Variants in TBC1D4 observed in about 807,000 individuals in gnomAD.
TBC1D4 encodes the protein TBC (Tre-2, BUB2, CDC16) domain-containing protein.
A neutral mutation model predicts 142.5 loss-of-function variants in TBC1D4; 121 were observed. The ratio of observed to expected loss-of-function variants is 0.85; its 90% CI spans 0.73 to 0.99. The LOEUF (loss-of-function observed/expected upper bound fraction) is 0.99, where lower values mean the gene tolerates loss of function less well. Among genes scored for constraint, TBC1D4 ranks in the 50% least tolerant of loss-of-function variants. The pLI is 0.00. For synonymous variants in TBC1D4, 630 were observed against 628.2 expected, an observed-to-expected ratio of 1.00 and a Z score of -0.04; for missense variants, 1,475 against 1,606.6, an observed-to-expected ratio of 0.92 and a Z score of 1.40.
intron 1 of TBC1D4, among the ~76,000 whole-genome samples, chr13:75,402,719 G>A (rs925789167): frequency 1.4e-5 from 2 of 146,562 alleles, no homozygotes; most frequent in African/African-American, 2.5e-5. Context: ...TATCTGTGAT[G>A]AAAAGATTTC....
At chr13:75,296,785 A>G (rs1253413423) in intron 17 of TBC1D4, among the ~76,000 whole-genome samples, 4 of 152,208 alleles carry the variant, frequency 2.6e-5, no homozygotes, top group African/African-American at 9.6e-5. Context: ...CACAGAAAGC[A>G]GCAGAAACAA....
At chr13:75,445,282 A>G (rs1440626405) in intron 1 of TBC1D4, among the ~76,000 whole-genome samples, 1 of 152,238 alleles carries the variant, frequency 6.6e-6, no homozygotes, top group Non-Finnish European at 1.5e-5. Flanking sequence ...AGAACAGTGC[A>G]TGGAACTATT....
chr13:75,359,743 A>G (rs1882345218), intron 3 of TBC1D4, 26 bp downstream of exon 3: 1 of 1,537,222 alleles, frequency 6.5e-7, no homozygotes, highest in Admixed American at 1.7e-5. Flanking sequence ...GTCTCTTCAC[A>G]TACTATGATA....
intron 1 of TBC1D4, among the ~76,000 whole-genome samples, chr13:75,385,527 G>A (rs1369579763): frequency 6.6e-6 from 1 of 152,158 alleles, no homozygotes; most frequent in Non-Finnish European, 1.5e-5. Context: ...AAAAAGAGAC[G>A]CTGATAACAG....
intron 8 of TBC1D4, among the ~76,000 whole-genome samples, chr13:75,334,036 T>G (rs993379401): frequency 6.6e-6 from 1 of 152,212 alleles, no homozygotes. Context: ...CACTTGGTGG[T>G]GCCTGCCAGC....
chr13:75,363,201 G>A (rs1593794193), intron 1 of TBC1D4, among the ~76,000 whole-genome samples: 1 of 152,162 alleles, frequency 6.6e-6, no homozygotes, highest in East Asian at 1.9e-4. Context: ...TGGTTTGGCA[G>A]TTTCTTAGGA....
intron 7 of TBC1D4, among the ~76,000 whole-genome samples, chr13:75,339,541 T>C (rs754474650): frequency 6.6e-6 from 1 of 151,680 alleles, no homozygotes; most frequent in African/African-American, 2.4e-5. Flanking sequence ...AGTGCCTGCA[T>C]GGAGTAAGTT....
At chr13:75,429,075 G>A (rs1394391629) in intron 1 of TBC1D4, among the ~76,000 whole-genome samples, 1 of 152,130 alleles carries the variant, frequency 6.6e-6, no homozygotes, top group Non-Finnish European at 1.5e-5. Flanking sequence ...CGCAAGTGGT[G>A]GCAATCCTAG....
At chr13:75,386,571 A>G (rs968827007) in intron 1 of TBC1D4, among the ~76,000 whole-genome samples, 1 of 151,728 alleles carries the variant, frequency 6.6e-6, no homozygotes, top group East Asian at 1.9e-4. Flanking sequence ...TGTATTTTTA[A>G]TAGAGACAGG....
intron 1 of TBC1D4, among the ~76,000 whole-genome samples, chr13:75,460,522 G>C (rs767295839): frequency 1.1e-4 from 16 of 152,180 alleles, no homozygotes; most frequent in Non-Finnish European, 1.8e-4. Context: ...GAAGTTCAGA[G>C]AGCTGGAAAG....
chr13:75,376,202 C>T lies in TBC1D4; in HGVS notation c.499-13595G>A, dbSNP rs913111465. On this transcript the variant is annotated intron_variant, in intron 1 of 20. Coordinates refer to ENST00000377636, the MANE Select transcript of TBC1D4 (RefSeq NM_014832.5). Reference sequence around the variant, plus strand: ...AAAACTTTCTGAAATTGAAAAAAAACAAACAAAAAAACCAGAAATCTTATG... The same window carrying T: ...AAAACTTTCTGAAATTGAAAAAAAATAAACAAAAAAACCAGAAATCTTATG... The T allele has an allele frequency of 7.9e-5, 12 of 151,950 alleles. No individual in the cohort carries two copies. The East Asian group carries it at 2.3e-3, about 29-fold the overall frequency. The allele number at this position is 151,950 out of a possible 1,614,324, so 9.4% of individuals were successfully genotyped here. A position where few individuals can be genotyped will look rare whatever the true frequency, so the allele number is the denominator to read the frequency against.
At chr13:75,348,807 C>T (rs1881352777) in intron 5 of TBC1D4, among the ~76,000 whole-genome samples, 1 of 152,130 alleles carries the variant, frequency 6.6e-6, no homozygotes, top group South Asian at 2.1e-4. Context: ...ATGGTTTTGT[C>T]TCTCTTCATT....
chr13:75,426,345 A>C (rs761741986), intron 1 of TBC1D4, among the ~76,000 whole-genome samples: 1 of 152,258 alleles, frequency 6.6e-6, no homozygotes, highest in African/African-American at 2.4e-5. Flanking sequence ...TGTTTAAGTC[A>C]CAGATCAAGT....
intron 1 of TBC1D4, among the ~76,000 whole-genome samples, chr13:75,369,482 G>A (rs1040714496): frequency 2.0e-4 from 29 of 143,864 alleles, no homozygotes; most frequent in Non-Finnish European, 4.0e-4. Context: ...CTGGGTGACA[G>A]AGTGAGACCC....
chr13:75,358,683 C>CA (rs1882261037), intron 3 of TBC1D4, among the ~76,000 whole-genome samples: 1 of 151,616 alleles, frequency 6.6e-6, no homozygotes, highest in Admixed American at 6.6e-5. Context: ...CTCGTCTCTA[C>CA]AAAAAATTCA....
chr13:75,329,185 CT>C (rs1322738414), intron 8 of TBC1D4, among the ~76,000 whole-genome samples: 1 of 151,928 alleles, frequency 6.6e-6, no homozygotes, highest in Non-Finnish European at 1.5e-5. Flanking sequence ...TAAATCAGTA[CT>C]TTGTGCTTAG....
intron 12 of TBC1D4, among the ~76,000 whole-genome samples, chr13:75,315,437 T>TACAC (rs1878238990): frequency 6.7e-6 from 1 of 150,126 alleles, no homozygotes; most frequent in African/African-American, 2.4e-5. Flanking sequence ...TATATATATA[T>TACAC]ATATTTGCTT....
At chr13:75,334,745 G>A (rs544660) in intron 8 of TBC1D4, among the ~76,000 whole-genome samples, 18,103 of 151,466 alleles carry the variant, frequency 0.12, 1,920 homozygotes, top group African/African-American at 0.27. Context: ...CACCACACCC[G>A]GCTCATTTTT....
intron 16 of TBC1D4, among the ~76,000 whole-genome samples, chr13:75,301,009 C>G (rs903563382): frequency 1.3e-5 from 2 of 152,154 alleles, no homozygotes; most frequent in Non-Finnish European, 2.9e-5. Flanking sequence ...ATTAACTGAG[C>G]TGGGTCCTTT....
Sources: allele counts gnomAD v4.1 joint callset (sites outside exome capture counted in the v4.1 genomes callset), GRCh38; gene constraint gnomAD v4.1.1; transcripts MANE v1.5; gene names NCBI Gene and HGNC (gene_info 2026-07-23, HGNC 2026-07-21).